PCDH15: variants seen among roughly 807,000 people sequenced by gnomAD.
The protein encoded by PCDH15 is protocadherin-15.
PCDH15 carries 129 observed loss-of-function variants against 178.5 expected under a neutral mutation model. The observed-to-expected ratio is 0.72, with a 90% CI of 0.63 to 0.84. The LOEUF (loss-of-function observed/expected upper bound fraction) is 0.84. Among genes scored for constraint, PCDH15 ranks in the 40% least tolerant of loss-of-function variants. PCDH15 has a pLI of 0.00. For synonymous variants in PCDH15, 800 were observed against 732.0 expected (o/e 1.09, Z -1.50); for missense variants, 2,230 against 2,099.9 (o/e 1.06, Z -1.21).
chr10:54,241,888 TATTTTA>T lies in PCDH15; in HGVS notation c.877-4963_877-4958del, dbSNP rs1242498452. Among the ~76,000 whole-genome samples, 8 of 151,688 alleles carry T rather than the reference TATTTTA, an allele frequency of 5.3e-5. No homozygotes were observed. The East Asian group carries it at 1.2e-3, about 23-fold the overall frequency. ...TATGGTTTAAGAACCTTAAAATTAT[TATTTTA>T]ATTTTAAGAACCTTAAAATTATTCT... is the stretch of plus-strand genomic sequence containing the variant. On this transcript the variant is annotated intron_variant, in intron 8 of 37. Transcript: ENST00000644397.
chr10:54,658,917 C>G (rs1349063450), intron 2 of PCDH15, among the ~76,000 whole-genome samples: 1 of 152,000 alleles, frequency 6.6e-6, no homozygotes, highest in Non-Finnish European at 1.5e-5. Context: ...TAATGATATC[C>G]ACAGCCCCAA....
chr10:54,848,321 G>T (rs980084315), intron 3 of PCDH15, among the ~76,000 whole-genome samples: 1 of 146,808 alleles, frequency 6.8e-6, no homozygotes, highest in African/African-American at 2.5e-5. Context: ...GGCAGAAGTT[G>T]CAGTGAGCCG....
chr10:54,378,257 T>G (rs938332287), intron 4 of PCDH15, among the ~76,000 whole-genome samples: 1 of 152,042 alleles, frequency 6.6e-6, no homozygotes, highest in African/African-American at 2.4e-5. Context: ...AAAAAAAAAT[T>G]TATGCTATCT....
At chr10:54,915,847 G>C (rs1954892950) in intron 2 of PCDH15, among the ~76,000 whole-genome samples, 1 of 152,078 alleles carries the variant, frequency 6.6e-6, no homozygotes, top group South Asian at 2.1e-4. Context: ...TATTTATTTT[G>C]AGATGGAGTC....
chr10:55,304,378 C>T (rs1277400751), intron 1 of PCDH15, among the ~76,000 whole-genome samples: 1 of 152,176 alleles, frequency 6.6e-6, no homozygotes, highest in African/African-American at 2.4e-5. Flanking sequence ...TATATCACTG[C>T]ACTGTTAATT....
rs536044125 is a variant in PCDH15, at chr10:55,273,359, G to C, written c.-156+46240C>G. 3.0e-4 allele frequency among the ~76,000 whole-genome samples: 45 copies of C among 152,192 alleles called. 1 individual carries two copies. The highest frequency in any genetic ancestry group is 1.0e-3 in the African/African-American group (43 of 41,484). ...AAATGAATGAAACACCTCTTACCTA[G>C]ACTTTGGTCAGGCAATGGCCATTTA... On this transcript the variant is annotated intron_variant, in intron 1 of 5. Coordinates refer to the PCDH15 transcript ENST00000458638.
At chr10:54,894,399 G>C (rs1268078882) in intron 3 of PCDH15, among the ~76,000 whole-genome samples, 2 of 152,128 alleles carry the variant, frequency 1.3e-5, no homozygotes, top group African/African-American at 2.4e-5. Flanking sequence ...AGCATAGGTA[G>C]AGAGGCATAC....
At chr10:54,657,523 G>T (rs115648599) in intron 2 of PCDH15, among the ~76,000 whole-genome samples, 1 of 152,076 alleles carries the variant, frequency 6.6e-6, no homozygotes, top group Non-Finnish European at 1.5e-5. Context: ...TCTCAGCCTC[G>T]CAGGAGATAG....
intron 1 of PCDH15, among the ~76,000 whole-genome samples, chr10:54,698,197 G>A (rs2095261758): frequency 6.6e-6 from 1 of 152,084 alleles, no homozygotes; most frequent in Admixed American, 6.6e-5. Flanking sequence ...AAATTGCTTT[G>A]TTGGCATGGG....
intron 3 of PCDH15, among the ~76,000 whole-genome samples, chr10:54,439,349 G>A (rs996185377): frequency 1.3e-5 from 2 of 151,944 alleles, no homozygotes; most frequent in Non-Finnish European, 2.9e-5. Context: ...ATATTGGGAA[G>A]CTTCATTAAT....
intron 2 of PCDH15, among the ~76,000 whole-genome samples, chr10:55,381,443 T>C (rs918967573): frequency 6.6e-6 from 1 of 152,044 alleles, no homozygotes; most frequent in South Asian, 2.1e-4. Context: ...AAGAGAAAAA[T>C]GATTAGGAGT....
intron 8 of PCDH15, among the ~76,000 whole-genome samples, chr10:54,252,553 C>T (rs1564794094): frequency 6.6e-6 from 1 of 152,160 alleles, no homozygotes; most frequent in Non-Finnish European, 1.5e-5. Flanking sequence ...AGTTCATCAT[C>T]ATATATTTTA....
chr10:54,198,813 C>T (rs189901763), intron 10 of PCDH15, among the ~76,000 whole-genome samples: 11 of 152,196 alleles, frequency 7.2e-5, no homozygotes, highest in Admixed American at 6.5e-4. Context: ...ATATCCAGGA[C>T]ATAAAAATGC....
chr10:54,220,133 C>T (rs1339317961), intron 9 of PCDH15, among the ~76,000 whole-genome samples: 1 of 152,134 alleles, frequency 6.6e-6, no homozygotes, highest in East Asian at 1.9e-4. Flanking sequence ...GAAGAATGAA[C>T]CCAAAATGGT....
intron 2 of PCDH15, among the ~76,000 whole-genome samples, chr10:55,611,656 T>C (rs1469990817): frequency 3.3e-5 from 5 of 152,076 alleles, no homozygotes; most frequent in African/African-American, 1.2e-4. Flanking sequence ...CTTCTGGGTG[T>C]ATACTCAAAT....
chr10:54,918,653 T>C (rs1018424123), intron 2 of PCDH15, among the ~76,000 whole-genome samples: 3 of 152,252 alleles, frequency 2.0e-5, no homozygotes, highest in South Asian at 4.1e-4. Context: ...ATGCTTCTAA[T>C]TGCATGTAGC....
intron 29 of PCDH15, among the ~76,000 whole-genome samples, chr10:53,837,588 G>C (rs957761323): frequency 2.6e-5 from 4 of 152,028 alleles, no homozygotes; most frequent in African/African-American, 9.7e-5. Flanking sequence ...CAGAAGCTTA[G>C]ATTTTAAGGT....
intron 2 of PCDH15, among the ~76,000 whole-genome samples, chr10:55,469,377 T>A (rs1171926831): frequency 6.6e-6 from 1 of 152,132 alleles, no homozygotes; most frequent in Non-Finnish European, 1.5e-5. Flanking sequence ...TTGAAAAATA[T>A]TTATGTATGT....
chr10:55,244,214 G>A (rs374474574), intron 1 of PCDH15, among the ~76,000 whole-genome samples: 4 of 151,950 alleles, frequency 2.6e-5, no homozygotes, highest in East Asian at 3.9e-4. Context: ...TGTTTTCTGT[G>A]TCTTGCACTG....
Sources: gnomAD v4.1 joint callset for allele counts (sites outside exome capture counted in the v4.1 genomes callset) on GRCh38, gnomAD v4.1.1 for gene constraint, MANE v1.5 for transcripts, NCBI Gene and HGNC (gene_info 2026-07-23, HGNC 2026-07-21) for gene names.